ZNF138: variants seen among roughly 807,000 people sequenced by gnomAD.
ZNF138 encodes zinc finger protein 138 (clone pHZ-32).
Under a neutral mutation model 33.0 loss-of-function variants are expected in ZNF138, and 33 were observed. The ratio of observed to expected loss-of-function variants is 1.00; its 90% CI spans 0.76 to 1.34. The LOEUF (loss-of-function observed/expected upper bound fraction) is 1.34. Among genes scored for constraint, ZNF138 ranks in the 40% most tolerant of loss-of-function variants. The pLI, the probability that ZNF138 is intolerant of heterozygous loss-of-function variation, is 0.00. For synonymous variants in ZNF138, 139 were observed against 120.4 expected (o/e 1.15, Z -1.01); for missense variants, 360 against 370.8 (o/e 0.97, Z 0.24).
chr7:64,810,888 C>G (rs1453085102), intron 1 of ZNF138, among the ~76,000 whole-genome samples: 4 of 151,570 alleles, frequency 2.6e-5, no homozygotes, highest in Admixed American at 6.6e-5. Flanking sequence ...AACCTAAAAG[C>G]AGATAAATGG....
At chr7:64,798,817 T>C (rs1015103611) in intron 1 of ZNF138, among the ~76,000 whole-genome samples, 10 of 151,276 alleles carry the variant, frequency 6.6e-5, no homozygotes, top group African/African-American at 9.7e-5. Flanking sequence ...TACATTGATC[T>C]TGTCAGCTTT....
At chr7:64,838,070 T>A (rs1790413416), downstream of ZNF138, among the ~76,000 whole-genome samples, 1 of 152,110 alleles carries the variant, frequency 6.6e-6, no homozygotes, top group South Asian at 2.1e-4. Context: ...AGGTAGCCCT[T>A]GTGTCTAGTA....
At chr7:64,836,683 C>T (rs1371270396), downstream of ZNF138, 2 of 152,182 alleles carry the variant, frequency 1.3e-5, no homozygotes, top group African/African-American at 4.8e-5. Flanking sequence ...GATATTGCAC[C>T]AGTGCCACGG....
At chr7:64,851,237 C>T in the ZNF138 span, among the ~76,000 whole-genome samples, 1 of 152,296 alleles carries the variant, frequency 6.6e-6, no homozygotes, top group Non-Finnish European at 1.5e-5. Context: ...ATCAACCCCT[C>T]TCTGTTTCCT....
At chr7:64,849,281 C>G in the ZNF138 span, among the ~76,000 whole-genome samples, 1 of 152,122 alleles carries the variant, frequency 6.6e-6, no homozygotes, top group Non-Finnish European at 1.5e-5. Flanking sequence ...GCACAGAGTC[C>G]TGTGATGTGA....
chr7:64,839,669 G>A, the ZNF138 span, among the ~76,000 whole-genome samples: 12 of 152,132 alleles, frequency 7.9e-5, no homozygotes, highest in African/African-American at 2.2e-4. Context: ...GTGACCTGGC[G>A]GCAAGTAACC....
chr7:64,839,048 A>C, the ZNF138 span, among the ~76,000 whole-genome samples: 1 of 152,108 alleles, frequency 6.6e-6, no homozygotes, highest in Non-Finnish European at 1.5e-5. Context: ...GCCAGCGAAA[A>C]CACTTGGCGG....
At chr7:64,858,525 TC>T in the ZNF138 span, among the ~76,000 whole-genome samples, 1 of 152,260 alleles carries the variant, frequency 6.6e-6, no homozygotes, top group African/African-American at 2.4e-5. Context: ...AATATATTAT[TC>T]CTTCAGTTTT....
At chr7:64,801,335 GTGTTGCAGAGATTCTGATATGC>G (rs1787124308) in intron 1 of ZNF138, among the ~76,000 whole-genome samples, 1 of 152,162 alleles carries the variant, frequency 6.6e-6, no homozygotes, top group Non-Finnish European at 1.5e-5. Context: ...TGCATTAGCT[GTGTTGCAGAGATTCTGATATGC>G]TGTACTTTGT....
At chr7:64,806,680 C>T (rs1196260892) in intron 1 of ZNF138, among the ~76,000 whole-genome samples, 5 of 152,166 alleles carry the variant, frequency 3.3e-5, no homozygotes, top group African/African-American at 1.2e-4. Flanking sequence ...CTTCTTTGAG[C>T]TGTGTATTTA....
At chr7:64,798,778 C>CA (rs75929259) in intron 1 of ZNF138, among the ~76,000 whole-genome samples, 54,302 of 115,710 alleles carry the variant, frequency 0.47, 11,358 homozygotes, top group South Asian at 0.54. Context: ...AACTCCGACT[C>CA]AAAAAAAAAA....
intron 3 of ZNF138, among the ~76,000 whole-genome samples, chr7:64,816,500 G>A (rs1011490079): frequency 1.3e-5 from 2 of 151,746 alleles, no homozygotes; most frequent in Admixed American, 6.6e-5. Flanking sequence ...TTTGTTTTAA[G>A]TATATGGAAC....
At chr7:64,813,857 T>C (rs1426098029) in intron 1 of ZNF138, among the ~76,000 whole-genome samples, 1 of 152,238 alleles carries the variant, frequency 6.6e-6, no homozygotes, top group Non-Finnish European at 1.5e-5. Flanking sequence ...GTGCAGTTGA[T>C]GTTAATGATT....
At chr7:64,818,489 C>T (rs1220874192) in intron 3 of ZNF138, among the ~76,000 whole-genome samples, 4 of 151,980 alleles carry the variant, frequency 2.6e-5, no homozygotes, top group Admixed American at 6.5e-5. Flanking sequence ...TGGTGGCTCA[C>T]GCCTGTAATC....
chr7:64,844,291 C>T, the ZNF138 span, among the ~76,000 whole-genome samples: 2 of 152,160 alleles, frequency 1.3e-5, no homozygotes, highest in African/African-American at 4.8e-5. Flanking sequence ...ATTTAAAGGG[C>T]ACATTTTCTC....
the ZNF138 span, among the ~76,000 whole-genome samples, chr7:64,850,107 G>C: frequency 6.6e-6 from 1 of 152,200 alleles, no homozygotes; most frequent in Non-Finnish European, 1.5e-5. Context: ...AGAAGACTCA[G>C]AGCCCACCGG....
intron 3 of ZNF138, among the ~76,000 whole-genome samples, chr7:64,828,484 T>C (rs960644546): frequency 4.6e-4 from 70 of 152,160 alleles, no homozygotes; most frequent in African/African-American, 1.6e-3. Context: ...TTTATGCTTA[T>C]AGTTGTTACA....
intron 1 of ZNF138, among the ~76,000 whole-genome samples, chr7:64,809,687 C>T (rs1442004063): frequency 6.7e-6 from 1 of 148,894 alleles, no homozygotes; most frequent in Non-Finnish European, 1.5e-5. Context: ...CGGAGGGGCT[C>T]CTCACTTCTC....
intron 3 of ZNF138, among the ~76,000 whole-genome samples, chr7:64,828,680 A>G (rs1789838383): frequency 6.6e-6 from 1 of 152,082 alleles, no homozygotes; most frequent in East Asian, 1.9e-4. Flanking sequence ...ATTCTATTTT[A>G]TTAGTCTACT....
Sources: gnomAD v4.1 joint callset for allele counts (sites outside exome capture counted in the v4.1 genomes callset) on GRCh38, gnomAD v4.1.1 for gene constraint, MANE v1.5 for transcripts, NCBI Gene and HGNC (gene_info 2026-07-23, HGNC 2026-07-21) for gene names.